KLHDC4: variants seen among roughly 807,000 people sequenced by gnomAD.
KLHDC4 encodes kelch domain-containing protein 4.
Under a neutral mutation model 62.4 loss-of-function variants are expected in KLHDC4, and 90 were observed. The ratio of observed to expected loss-of-function variants is 1.44; its 90% CI spans 1.22 to 1.72. The LOEUF (loss-of-function observed/expected upper bound fraction) is 1.72. Among genes scored for constraint, KLHDC4 ranks in the 40% most tolerant of loss-of-function variants. The pLI, the probability that KLHDC4 is intolerant of heterozygous loss-of-function variation, is 0.00. For synonymous variants in KLHDC4, 386 were observed against 284.4 expected (o/e 1.36, Z -3.59); for missense variants, 1,025 against 699.7 (o/e 1.47, Z -5.25).
At chr16:87,706,526 C>T (rs1459785202), downstream of KLHDC4, among the ~76,000 whole-genome samples, 1 of 152,232 alleles carries the variant, frequency 6.6e-6, no homozygotes, top group African/African-American at 2.4e-5. Context: ...CTGCCACCCA[C>T]ATCCAGACGC....
intron 4 of KLHDC4, among the ~76,000 whole-genome samples, chr16:87,750,572 G>A (rs2043774017): frequency 6.6e-6 from 1 of 152,226 alleles, no homozygotes; most frequent in Non-Finnish European, 1.5e-5. Flanking sequence ...GACGAAGAAT[G>A]GTTCCACACA....
At chr16:87,728,912 T>A (rs1049701733) in intron 6 of KLHDC4, among the ~76,000 whole-genome samples, 1 of 152,078 alleles carries the variant, frequency 6.6e-6, no homozygotes. Context: ...GTGCCTGGGA[T>A]TAAAGGTGTG....
At chr16:87,733,985 C>G (rs74039502) in intron 5 of KLHDC4, among the ~76,000 whole-genome samples, 4,011 of 152,310 alleles carry the variant, frequency 0.026, 174 homozygotes, top group African/African-American at 0.091. Flanking sequence ...GTGCATGTTA[C>G]ACAGCTGTCC....
intron 5 of KLHDC4, among the ~76,000 whole-genome samples, chr16:87,737,590 CTTTT>C (rs10709997): frequency 3.8e-5 from 5 of 130,398 alleles, no homozygotes; most frequent in Admixed American, 7.5e-5. Flanking sequence ...ACAAATCAGT[CTTTT>C]TTTTTTTTTT....
rs1344413933 is a variant in KLHDC4, at chr16:87,707,963, G to A, written c.*114C>T. On this transcript the variant is annotated 3_prime_UTR_variant, in exon 12 of 12. Transcript: ENST00000270583. Reference sequence around the variant, plus strand: ...CCCTGGCCTGGGCCACCCACCTTCAGCTCTCTCCTGTGCGTCAGGACGCAC... The same window carrying A: ...CCCTGGCCTGGGCCACCCACCTTCAACTCTCTCCTGTGCGTCAGGACGCAC... 2 of 470,590 alleles carry A rather than the reference G, an allele frequency of 4.2e-6. No individual in the cohort carries two copies. The highest frequency in any genetic ancestry group is 8.5e-6 in the Non-Finnish European group (2 of 236,632). The allele number at this position is 470,590 out of a possible 1,614,324, so 29.2% of individuals were successfully genotyped here. A position where few individuals can be genotyped will look rare whatever the true frequency, so the allele number is the denominator to read the frequency against.
chr16:87,733,271 G>T (rs1220249175), intron 5 of KLHDC4, among the ~76,000 whole-genome samples: 2 of 152,264 alleles, frequency 1.3e-5, no homozygotes, highest in African/African-American at 4.8e-5. Flanking sequence ...CAGTCCTCCA[G>T]TGAGCAGGCG....
At chr16:87,758,420 G>C (rs1344823139) in intron 2 of KLHDC4, among the ~76,000 whole-genome samples, 1 of 152,188 alleles carries the variant, frequency 6.6e-6, no homozygotes, top group Non-Finnish European at 1.5e-5. Flanking sequence ...TGATGAACTT[G>C]GACATACCAG....
At chr16:87,755,485 C>T (rs969805541) in intron 3 of KLHDC4, 193 bp from the exon 4 acceptor site, 7 of 461,106 alleles carry the variant, frequency 1.5e-5, no homozygotes, top group Non-Finnish European at 2.8e-5. Context: ...CGACCGAACG[C>T]CCACCAGGCC....
chr16:87,721,321 G>A (rs1483822852), intron 7 of KLHDC4, among the ~76,000 whole-genome samples: 1 of 151,434 alleles, frequency 6.6e-6, no homozygotes, highest in African/African-American at 2.4e-5. Flanking sequence ...TCCGGAGGCA[G>A]GAGAATGGCG....
At chr16:87,740,648 T>G (rs2042100869) in intron 5 of KLHDC4, 1 of 152,266 alleles carries the variant, frequency 6.6e-6, no homozygotes, top group Admixed American at 6.5e-5. Context: ...CAGTTTCCAG[T>G]CACTCTTGCC....
intron 5 of KLHDC4, among the ~76,000 whole-genome samples, chr16:87,734,486 G>C (rs1196810065): frequency 6.6e-6 from 1 of 152,208 alleles, no homozygotes; most frequent in Admixed American, 6.5e-5. Context: ...CTTGCTCCAA[G>C]CTGGAGCGAA....
intron 5 of KLHDC4, among the ~76,000 whole-genome samples, chr16:87,744,582 G>A (rs10564296): frequency 0.11 from 7,906 of 73,228 alleles, 276 homozygotes; most frequent in South Asian, 0.31. Flanking sequence ...GACTGTCTCA[G>A]AAAAAAAAAA....
At chr16:87,714,025 C>T (rs1290023111) in intron 8 of KLHDC4, among the ~76,000 whole-genome samples, 5 of 152,122 alleles carry the variant, frequency 3.3e-5, no homozygotes, top group Non-Finnish European at 5.9e-5. Flanking sequence ...TGAGCAACAC[C>T]GACCCCTGGC....
intron 7 of KLHDC4, among the ~76,000 whole-genome samples, chr16:87,720,721 G>C (rs12596542): frequency 0.057 from 8,753 of 152,312 alleles, 329 homozygotes; most frequent in South Asian, 0.16. Context: ...CACCCTGTCG[G>C]TTACGGTTAG....
intron 8 of KLHDC4, among the ~76,000 whole-genome samples, chr16:87,712,653 C>T (rs2036133837): frequency 6.6e-6 from 1 of 152,252 alleles, no homozygotes; most frequent in African/African-American, 2.4e-5. Flanking sequence ...TGCAGTAAGG[C>T]AGGGCCCTGG....
intron 8 of KLHDC4, among the ~76,000 whole-genome samples, chr16:87,712,289 AC>A (rs1275879949): frequency 6.6e-6 from 1 of 151,950 alleles, no homozygotes; most frequent in African/African-American, 2.4e-5. Context: ...AAAAAAAAAA[AC>A]AGAAGCAGCA....
exon 1 of KLHDC4, chr16:87,700,495 C>CAGAGGGTGGAGGGAGGAGGGGGGAA (rs2034083859): frequency 7.5e-6 from 1 of 133,100 alleles, no homozygotes; most frequent in East Asian, 2.6e-4. Flanking sequence ...GGGAGGAGGG[C>CAGAGGGTGGAGGGAGGAGGGGGGAA]AGAGGGTGGA....
At chr16:87,711,642 G>C (rs1037613529) in intron 8 of KLHDC4, among the ~76,000 whole-genome samples, 199 bp from the exon 9 acceptor site, 1 of 152,194 alleles carries the variant, frequency 6.6e-6, no homozygotes, top group East Asian at 1.9e-4. Flanking sequence ...TTCCTTAAGA[G>C]AGCTGGCATT....
chr16:87,742,570 T>A (rs999788470), intron 5 of KLHDC4, among the ~76,000 whole-genome samples: 10 of 152,180 alleles, frequency 6.6e-5, no homozygotes, highest in African/African-American at 2.4e-4. Context: ...GGTCCACAGC[T>A]GTCAGGATAG....
Sources: gnomAD v4.1 joint callset for allele counts (sites outside exome capture counted in the v4.1 genomes callset) on GRCh38, gnomAD v4.1.1 for gene constraint, MANE v1.5 for transcripts, NCBI Gene and HGNC (gene_info 2026-07-23, HGNC 2026-07-21) for gene names.